CPT1A: variants seen among roughly 807,000 people sequenced by gnomAD.
The protein encoded by CPT1A is carnitine palmitoyltransferase 1A.
CPT1A carries 64 observed loss-of-function variants against 100.8 expected under a neutral mutation model. The ratio of observed to expected loss-of-function variants is 0.63; its 90% CI spans 0.52 to 0.78. CPT1A has a LOEUF of 0.78. CPT1A is among the 30% of genes least tolerant of loss of function. CPT1A has a pLI of 0.00. For missense variants in CPT1A, 802 were observed against 1,034.1 expected (o/e 0.78, Z 3.08); for synonymous variants, 363 against 396.0 (o/e 0.92, Z 0.99).
In CPT1A at chr11:68,768,066, C is replaced by CTTTTTTTTTTTTTT. The variant is rs71043448; in HGVS notation, c.1740+5185_1740+5198dup. On this transcript the variant is annotated intron_variant, in intron 14 of 18. Coordinates refer to ENST00000265641, the MANE Select transcript of CPT1A (RefSeq NM_001876.4). ...TCTCAGACACTTTCTAGTTTCCAGT[C>CTTTTTTTTTTTTTT]TTTTTTTTTTTTTTTTTTTTTTTTT... Among the ~76,000 whole-genome samples, 10 of 71,248 alleles carry CTTTTTTTTTTTTTT rather than the reference C, an allele frequency of 1.4e-4. 4 individuals are homozygous for CTTTTTTTTTTTTTT. Among genetic ancestry groups the CTTTTTTTTTTTTTT allele is most frequent in the African/African-American group, 4.9e-4 (8 of 16,382 alleles). 46.7% of individuals were successfully genotyped at this position (71,248 alleles called of 152,430 possible).
intron 14 of CPT1A, among the ~76,000 whole-genome samples, chr11:68,771,287 C>T (rs894253555): frequency 5.9e-5 from 9 of 152,138 alleles, no homozygotes; most frequent in African/African-American, 9.7e-5. Context: ...TAAACTGGAG[C>T]GTGGCATTTC....
intron 9 of CPT1A, among the ~76,000 whole-genome samples, chr11:68,785,321 T>C (rs1362906983): frequency 2.0e-5 from 3 of 151,746 alleles, no homozygotes; most frequent in African/African-American, 4.8e-5. Flanking sequence ...TCCCAGCACA[T>C]TGGGTGAGGT....
At chr11:68,792,922 C>T (rs1212728307) in intron 9 of CPT1A, among the ~76,000 whole-genome samples, 1 of 152,144 alleles carries the variant, frequency 6.6e-6, no homozygotes, top group Non-Finnish European at 1.5e-5. Context: ...GATGCATGTG[C>T]CTGTGGTCTC....
intron 9 of CPT1A, chr11:68,785,811 G>A (rs1195640334): frequency 3.6e-6 from 2 of 551,018 alleles, no homozygotes; most frequent in East Asian, 3.0e-5. Context: ...GAAACATTCC[G>A]ATAATTGTTT....
chr11:68,776,352 C>G (rs1369214686), intron 12 of CPT1A, among the ~76,000 whole-genome samples: 3 of 152,156 alleles, frequency 2.0e-5, no homozygotes, highest in Non-Finnish European at 2.9e-5. Context: ...TGAGTCATGA[C>G]TGTGCCACTG....
In CPT1A at chr11:68,755,729, CTT is replaced by C. The variant is rs1946680665; in HGVS notation, c.*1913_*1914del. On this transcript the variant is annotated 3_prime_UTR_variant, in exon 19 of 19. Transcript: ENST00000265641. ...TGGACGCTTTTTTTTTTTTTTTTGT[CTT>C]TTGTTTTCATTTTTTCTTGCTTTCA... 1 of 81,522 alleles carries C rather than the reference CTT, an allele frequency of 1.2e-5. No individual in the cohort carries two copies. Among genetic ancestry groups the C allele is most frequent in the Non-Finnish European group, 2.6e-5 (1 of 38,672 alleles). The allele number at this position is 81,522 out of a possible 1,614,324, so 5.0% of individuals were successfully genotyped here.
chr11:68,811,067 C>G (rs1856190519), intron 3 of CPT1A, among the ~76,000 whole-genome samples: 1 of 152,054 alleles, frequency 6.6e-6, no homozygotes, highest in Non-Finnish European at 1.5e-5. Context: ...TTTCTTATTT[C>G]TTTCTGATTA....
At chr11:68,770,665 T>C (rs545473049) in intron 14 of CPT1A, among the ~76,000 whole-genome samples, 1 of 152,348 alleles carries the variant, frequency 6.6e-6, no homozygotes, top group East Asian at 1.9e-4. Context: ...CCCAACAGTA[T>C]GGTTTAGTGT....
intron 3 of CPT1A, among the ~76,000 whole-genome samples, chr11:68,809,869 T>C (rs922520273): frequency 1.3e-5 from 2 of 152,230 alleles, no homozygotes; most frequent in Non-Finnish European, 2.9e-5. Context: ...AGAGAGCGCC[T>C]ACACTAGAGA....
At chr11:68,766,035 A>G (rs900910355) in intron 14 of CPT1A, among the ~76,000 whole-genome samples, 1 of 151,890 alleles carries the variant, frequency 6.6e-6, no homozygotes, top group Non-Finnish European at 1.5e-5. Flanking sequence ...CCATACCTGG[A>G]TAATTTTTGT....
chr11:68,829,612 C>T (rs1215141038), intron 1 of CPT1A, among the ~76,000 whole-genome samples: 3 of 152,192 alleles, frequency 2.0e-5, no homozygotes, highest in Admixed American at 6.5e-5. Context: ...GGAACTTAAC[C>T]TCTCCCCTGT....
chr11:68,797,218 T>C lies in CPT1A; in HGVS notation c.694-285A>G, dbSNP rs576130327. ...GAAATAAAAAGCCGAAGTGGGAGGA[T>C]TGCTTGAGACCAGGAGTTCGAGACC... On this transcript the variant is annotated intron_variant, in intron 6 of 18. Coordinates refer to ENST00000265641, the MANE Select transcript of CPT1A (RefSeq NM_001876.4). Among the ~76,000 whole-genome samples, 14 of 152,256 alleles carry C rather than the reference T, an allele frequency of 9.2e-5. 1 individual carries two copies. In the East Asian group the frequency reaches 2.7e-3, roughly 29 times the overall value.
Position 68,755,113 on chromosome 11 carries a change from G to A in CPT1A, c.*2531C>T, listed in dbSNP as rs1447693019. On this transcript the variant is annotated 3_prime_UTR_variant, in exon 19 of 19. Transcript: ENST00000265641. Reference sequence around the variant, plus strand: ...ATAAGACCCCTCTTTCTCCCCTCAAGGAATATAAAATTGCATTGATAACTG... The same window carrying A: ...ATAAGACCCCTCTTTCTCCCCTCAAAGAATATAAAATTGCATTGATAACTG... 6.6e-6 allele frequency: 3 copies of A among 453,300 alleles called. No individual in the cohort carries two copies. Among genetic ancestry groups the A allele is most frequent in the Non-Finnish European group, 4.0e-6 (1 of 251,782 alleles). 28.1% of individuals were successfully genotyped at this position (453,300 alleles called of 1,614,324 possible). A position where few individuals can be genotyped will look rare whatever the true frequency, so the allele number is the denominator to read the frequency against.
rs1288158765 is a variant in CPT1A, at chr11:68,794,859, G to A, written c.824C>T (p.Ala275Val). ...THIQAARAGN[A>V]IHAILLYRRK... Reference sequence around the variant, plus strand: ...CCTGTAAAGCAGGATGGCATGGATGGCGTTGCCGGCTCTTGCTGCCTGAAT... The same window carrying A: ...CCTGTAAAGCAGGATGGCATGGATGACGTTGCCGGCTCTTGCTGCCTGAAT... Residue 275 changes from alanine to valine, a missense_variant, in exon 8 of 19, where the codon GCC becomes GTC. Physicochemically the swap from Ala to Val is moderately conservative, Grantham distance 64 (BLOSUM62 0). Coordinates refer to ENST00000265641, the MANE Select transcript of CPT1A (RefSeq NM_001876.4). 6.2e-7 allele frequency: 1 copy of A among 1,614,202 alleles called. No individual in the cohort carries two copies. Among genetic ancestry groups the A allele is most frequent in the Admixed American group, 1.7e-5 (1 of 60,018 alleles).
At chr11:68,807,438 C>T (rs1856075057) in intron 4 of CPT1A, 29 bp downstream of exon 4, 1 of 1,608,996 alleles carries the variant, frequency 6.2e-7, no homozygotes, top group South Asian at 1.1e-5. Flanking sequence ...CTGTCCACCC[C>T]CTCCACAGCC....
intron 14 of CPT1A, among the ~76,000 whole-genome samples, chr11:68,768,136 T>A (rs567092587): frequency 7.9e-6 from 1 of 126,684 alleles, no homozygotes; most frequent in African/African-American, 3.0e-5. Context: ...AGTGCAGTGG[T>A]GCGATCTCGG....
chr11:68,831,613 T>A (rs564308396), intron 1 of CPT1A, among the ~76,000 whole-genome samples: 1 of 151,090 alleles, frequency 6.6e-6, no homozygotes, highest in Non-Finnish European at 1.5e-5. Context: ...TTTGTGCTTT[T>A]AATAATGAAG....
At position 68,767,115 on chromosome 11, in the gene CPT1A, C is replaced by T. The variant is rs557210467; in HGVS notation, c.1741-4354G>A. Among the ~76,000 whole-genome samples the T allele has an allele frequency of 3.3e-5, 5 of 152,168 alleles. No homozygotes were observed. In the East Asian group the frequency reaches 9.6e-4, roughly 29 times the overall value. ...TTTTCACATGTCACAAAGTATTGGT[C>T]GCCTGTTGACTGCTTTTCAACTACT... On this transcript the variant is annotated intron_variant, in intron 14 of 18. Coordinates refer to ENST00000265641, the MANE Select transcript of CPT1A (RefSeq NM_001876.4).
At chr11:68,801,717 G>A (rs1034106432) in intron 5 of CPT1A, among the ~76,000 whole-genome samples, 15 of 145,642 alleles carry the variant, frequency 1.0e-4, no homozygotes, top group African/African-American at 3.4e-4. Flanking sequence ...CCCTTAACCC[G>A]AGAAGTTTTT....
Sources: gnomAD v4.1 joint callset for allele counts (sites outside exome capture counted in the v4.1 genomes callset) on GRCh38, gnomAD v4.1.1 for gene constraint, MANE v1.5 for transcripts, NCBI Gene and HGNC (gene_info 2026-07-23, HGNC 2026-07-21) for gene names.